The following GRIA4 variants were observed in gnomAD, a reference collection of about 807,000 sequenced individuals.
GRIA4 encodes glutamate receptor 4.
Under a neutral mutation model 104.0 loss-of-function variants are expected in GRIA4, and 34 were observed. The observed-to-expected ratio is 0.33, with a 90% CI of 0.25 to 0.44. The LOEUF is 0.44. Among genes scored for constraint, GRIA4 ranks in the 20% least tolerant of loss-of-function variants. The pLI is 1.00. For missense variants in GRIA4, 750 were observed against 1,096.5 expected (o/e 0.68, Z 4.46); for synonymous variants, 386 against 381.9 (o/e 1.01, Z -0.13).
intron 3 of GRIA4, among the ~76,000 whole-genome samples, chr11:105,667,506 A>G (rs2135427034): frequency 6.6e-6 from 1 of 152,172 alleles, no homozygotes; most frequent in Admixed American, 6.6e-5. Context: ...AAGAAAACTA[A>G]TATCTCCTTT....
chr11:105,670,074 A>G (rs931917521), intron 3 of GRIA4, among the ~76,000 whole-genome samples: 1 of 152,126 alleles, frequency 6.6e-6, no homozygotes, highest in African/African-American at 2.4e-5. Flanking sequence ...AATGTAAGGT[A>G]TAACACAAAT....
intron 4 of GRIA4, among the ~76,000 whole-genome samples, chr11:105,840,150 A>G (rs891635358): frequency 5.3e-5 from 8 of 152,230 alleles, no homozygotes; most frequent in Non-Finnish European, 1.0e-4. Context: ...TAATATTACT[A>G]TATTTCAAAT....
intron 4 of GRIA4, among the ~76,000 whole-genome samples, chr11:105,776,717 C>G (rs981070489): frequency 6.6e-6 from 1 of 152,114 alleles, no homozygotes; most frequent in African/African-American, 2.4e-5. Flanking sequence ...CCAAAGATTA[C>G]TGCATTTAGT....
At chr11:105,762,656 G>T (rs1284508449) in intron 4 of GRIA4, among the ~76,000 whole-genome samples, 2 of 152,118 alleles carry the variant, frequency 1.3e-5, no homozygotes, top group African/African-American at 4.8e-5. Context: ...GAATCATGGG[G>T]ATGGGTTTTC....
chr11:105,757,629 A>G (rs186383690), intron 4 of GRIA4, among the ~76,000 whole-genome samples: 37 of 152,226 alleles, frequency 2.4e-4, no homozygotes, highest in Admixed American at 2.2e-3. Context: ...GACCTCCGTG[A>G]ATATCTGTAC....
intron 3 of GRIA4, among the ~76,000 whole-genome samples, chr11:105,719,112 C>A (rs1174671148): frequency 6.6e-6 from 1 of 152,054 alleles, no homozygotes; most frequent in African/African-American, 2.4e-5. Flanking sequence ...CTAGAATGGA[C>A]AATCTGAGCT....
intron 4 of GRIA4, among the ~76,000 whole-genome samples, chr11:105,764,356 C>A (rs1284216927): frequency 6.6e-6 from 1 of 151,940 alleles, no homozygotes; most frequent in Non-Finnish European, 1.5e-5. Context: ...GGCCAGGATT[C>A]TGTAATTTAA....
Position 105,610,890 on chromosome 11 carries a change from G to GATTTTTATT in GRIA4, c.-90-18_-90-17insATTTTTATT. ...CTTTTCTTTTTTTTTTTTTTTTTTT[G>GATTTTTATT]GTTGATTTTAATTTTAGCGCCATCG... On this transcript the variant is annotated splice_polypyrimidine_tract_variant and intron_variant, in intron 1 of 16. Transcript: ENST00000282499. The GATTTTTATT allele has an allele frequency of 4.8e-6, 1 of 207,236 alleles. No homozygotes were observed. The highest frequency in any genetic ancestry group is 8.0e-6 in the Non-Finnish European group (1 of 124,810). The allele number at this position is 207,236 out of a possible 1,614,324, so 12.8% of individuals were successfully genotyped here.
At chr11:105,719,664 C>T (rs1427009966) in intron 3 of GRIA4, among the ~76,000 whole-genome samples, 2 of 151,846 alleles carry the variant, frequency 1.3e-5, no homozygotes, top group Admixed American at 1.3e-4. Flanking sequence ...GGCTTTTCTC[C>T]GTGAAGTCCC....
rs542738013 is a variant in GRIA4, at chr11:105,974,843, G to A, written c.2544+399G>A. On this transcript the variant is annotated intron_variant, in intron 16 of 16. Transcript: ENST00000282499. ...TCTACCTGAAATTTGGGGAAAATTGGAAATTAGATCTGGGCTTCCTTGCAC... is the reference window on the plus strand; with the variant it reads ...TCTACCTGAAATTTGGGGAAAATTGAAAATTAGATCTGGGCTTCCTTGCAC... 1.6e-4 allele frequency: 38 copies of A among 234,510 alleles called. No homozygotes were observed. The South Asian group carries it at 2.8e-3, about 17-fold the overall frequency. 14.5% of individuals were successfully genotyped at this position (234,510 alleles called of 1,614,324 possible). A position where few individuals can be genotyped will look rare whatever the true frequency, so the allele number is the denominator to read the frequency against.
In GRIA4 at chr11:105,972,034, T is replaced by C; in HGVS notation, c.2409+6T>C. 6.4e-7 allele frequency: 1 copy of C among 1,559,036 alleles called. No homozygotes were observed. Among genetic ancestry groups the C allele is most frequent in the South Asian group, 1.1e-5 (1 of 89,944 alleles). ...CCAAGGACTCTGGAAGCAAGGTCAG[T>C]CGCTGCAGTTCGGGGCCTCCTCTTG... On this transcript the variant is annotated splice_donor_region_variant and intron_variant, in intron 15 of 16. Coordinates refer to ENST00000282499, the MANE Select transcript of GRIA4 (RefSeq NM_000829.4).
chr11:105,647,277 T>A (rs1951555952), intron 3 of GRIA4, among the ~76,000 whole-genome samples: 1 of 152,008 alleles, frequency 6.6e-6, no homozygotes, highest in African/African-American at 2.4e-5. Flanking sequence ...TGGCTATTAC[T>A]AAAAAGTCAA....
At chr11:105,633,583 A>C (rs762944010) in intron 3 of GRIA4, among the ~76,000 whole-genome samples, 4 of 152,196 alleles carry the variant, frequency 2.6e-5, no homozygotes, top group Admixed American at 6.5e-5. Context: ...ACTATTAAAG[A>C]AAAACAAACT....
intron 3 of GRIA4, among the ~76,000 whole-genome samples, chr11:105,686,943 C>G (rs943975334): frequency 4.6e-5 from 7 of 152,062 alleles, no homozygotes; most frequent in Non-Finnish European, 8.8e-5. Flanking sequence ...GTTGAAGTTC[C>G]TTATAAATTC....
chr11:105,793,766 G>A (rs1359810431), intron 4 of GRIA4, among the ~76,000 whole-genome samples: 3 of 152,042 alleles, frequency 2.0e-5, no homozygotes, highest in Non-Finnish European at 4.4e-5. Flanking sequence ...GGCAGAGAAT[G>A]TCACTCTTGC....
chr11:105,668,300 T>C (rs1043498977), intron 3 of GRIA4, among the ~76,000 whole-genome samples: 2 of 147,578 alleles, frequency 1.4e-5, no homozygotes, highest in Admixed American at 6.8e-5. Flanking sequence ...TACATATATC[T>C]ATACATAGAC....
intron 4 of GRIA4, among the ~76,000 whole-genome samples, chr11:105,808,358 T>C (rs1263261393): frequency 6.6e-6 from 1 of 152,032 alleles, no homozygotes; most frequent in African/African-American, 2.4e-5. Flanking sequence ...TGAAGTCCTT[T>C]CTCCCTGGAT....
chr11:105,683,016 TA>T (rs1235545514), intron 3 of GRIA4, among the ~76,000 whole-genome samples: 2 of 152,178 alleles, frequency 1.3e-5, no homozygotes, highest in African/African-American at 4.8e-5. Context: ...ATAGTACCTC[TA>T]AAATCCATAA....
At chr11:105,904,882 C>T (rs1192551105) in intron 8 of GRIA4, among the ~76,000 whole-genome samples, 1 of 151,954 alleles carries the variant, frequency 6.6e-6, no homozygotes, top group Non-Finnish European at 1.5e-5. Context: ...GAAAAGTAAC[C>T]ATAAAAAATT....
Sources: gnomAD v4.1 joint callset for allele counts (sites outside exome capture counted in the v4.1 genomes callset) on GRCh38, gnomAD v4.1.1 for gene constraint, MANE v1.5 for transcripts, NCBI Gene and HGNC (gene_info 2026-07-23, HGNC 2026-07-21) for gene names.